NEBL: variants seen among roughly 807,000 people sequenced by gnomAD.
NEBL encodes the protein LIM and SH3 protein 2.
In NEBL, 122 loss-of-function variants were observed where a neutral mutation model predicts 140.2. The observed-to-expected ratio is 0.87, with a 90% CI of 0.75 to 1.01. The LOEUF (loss-of-function observed/expected upper bound fraction) is 1.01. NEBL is among the 50% of genes least tolerant of loss of function. NEBL has a pLI of 0.00. For synonymous variants in NEBL, 436 were observed against 398.9 expected (o/e 1.09, Z -1.11); for missense variants, 1,365 against 1,231.3 (o/e 1.11, Z -1.62).
intron 5 of NEBL, among the ~76,000 whole-genome samples, chr10:20,870,486 C>T (rs1844815529): frequency 6.6e-6 from 1 of 152,040 alleles, no homozygotes; most frequent in African/African-American, 2.4e-5. Context: ...GCAGAATATC[C>T]TCATCAAGAA....
intron 3 of NEBL, among the ~76,000 whole-genome samples, chr10:21,235,323 T>C (rs1473591255): frequency 6.6e-6 from 1 of 151,838 alleles, no homozygotes; most frequent in African/African-American, 2.4e-5. Context: ...TGTTAAAAAA[T>C]CCAAAAACAT....
At chr10:21,024,709 A>G (rs1331913209) in intron 2 of NEBL, among the ~76,000 whole-genome samples, 6 of 152,174 alleles carry the variant, frequency 3.9e-5, no homozygotes, top group Non-Finnish European at 8.8e-5. Flanking sequence ...CAAACACTGG[A>G]TTTCTCAACA....
At chr10:21,237,203 T>C (rs898866941) in intron 3 of NEBL, among the ~76,000 whole-genome samples, 2 of 152,230 alleles carry the variant, frequency 1.3e-5, no homozygotes, top group African/African-American at 2.4e-5. Context: ...GCTTTTGTTT[T>C]GGTTTGTTTT....
At chr10:21,075,102 A>T (rs117698119) in intron 2 of NEBL, among the ~76,000 whole-genome samples, 2,116 of 152,216 alleles carry the variant, frequency 0.014, 13 homozygotes, top group Non-Finnish European at 0.019. Flanking sequence ...CACGACACCC[A>T]GCCCAGAATT....
chr10:20,926,746 A>G (rs1263216770), intron 4 of NEBL, among the ~76,000 whole-genome samples: 1 of 152,226 alleles, frequency 6.6e-6, no homozygotes, highest in East Asian at 1.9e-4. Flanking sequence ...CCGATGGCAC[A>G]TCCAGCTGAA....
intron 5 of NEBL, among the ~76,000 whole-genome samples, chr10:20,879,330 T>C (rs1468277502): frequency 6.6e-6 from 1 of 152,190 alleles, no homozygotes; most frequent in Non-Finnish European, 1.5e-5. Flanking sequence ...GGTGCATGGC[T>C]GTGCTCAGTA....
At chr10:21,061,182 A>G (rs935532247) in intron 2 of NEBL, among the ~76,000 whole-genome samples, 2 of 150,902 alleles carry the variant, frequency 1.3e-5, no homozygotes, top group Admixed American at 1.3e-4. Context: ...TATATATATC[A>G]TATGATGTAT....
intron 2 of NEBL, chr10:21,029,648 A>C: frequency 1.5e-6 from 2 of 1,332,010 alleles, no homozygotes; most frequent in Non-Finnish European, 2.2e-6. Context: ...AGAAGGGGTG[A>C]TGATAGGTTT....
At chr10:21,231,967 CA>C (rs1025998634) in intron 3 of NEBL, among the ~76,000 whole-genome samples, 58 of 152,232 alleles carry the variant, frequency 3.8e-4, no homozygotes, top group African/African-American at 1.4e-3. Flanking sequence ...CACAACTGAT[CA>C]GCATTAGTGT....
intron 26 of NEBL, among the ~76,000 whole-genome samples, chr10:20,794,678 G>A (rs955194972): frequency 6.6e-6 from 1 of 152,092 alleles, no homozygotes. Context: ...GGGGAAAGAG[G>A]TAACATAAGA....
chr10:20,835,550 A>G lies in NEBL; in HGVS notation c.1412T>C (p.Met471Thr). The change falls in exon 14 of 28, where the codon ATG (methionine) becomes ACG (threonine). Residue 471 changes from methionine (M) to threonine (T), a missense_variant. Transcript: ENST00000377122. ...CTCTGCAGCCTTCTTGGCATGCTGC[A>G]TTTCAAGGGTGTCAGTGCCAGCTTG... ...GMQAGTDTLE[M>T]QHAKKAAEIA... is the part of the protein sequence containing the mutation. 3 of 1,612,786 alleles carry G rather than the reference A, an allele frequency of 1.9e-6. No individual in the cohort carries two copies. The highest frequency in any genetic ancestry group is 2.5e-6 in the Non-Finnish European group (3 of 1,179,900).
intron 3 of NEBL, among the ~76,000 whole-genome samples, chr10:20,976,790 G>A (rs981202749): frequency 5.9e-5 from 9 of 151,914 alleles, no homozygotes; most frequent in Non-Finnish European, 1.2e-4. Flanking sequence ...GAGGGAGGGA[G>A]GCAGGGGTTG....
At chr10:20,894,790 T>A (rs2131397185) in intron 2 of NEBL, among the ~76,000 whole-genome samples, 2 of 149,288 alleles carry the variant, frequency 1.3e-5, no homozygotes, top group Middle Eastern at 3.5e-3. Context: ...TTAGCCGGGC[T>A]TAGTGGCAGG....
intron 4 of NEBL, among the ~76,000 whole-genome samples, chr10:20,903,311 T>A (rs1485342490): frequency 6.6e-6 from 1 of 152,016 alleles, no homozygotes; most frequent in Non-Finnish European, 1.5e-5. Context: ...AAAACCACAA[T>A]AAGATACGGC....
chr10:21,083,988 C>G (rs551591315), intron 2 of NEBL, among the ~76,000 whole-genome samples: 1 of 152,318 alleles, frequency 6.6e-6, no homozygotes, highest in South Asian at 2.1e-4. Context: ...CCCAGAGAGT[C>G]CTGACTAATA....
intron 4 of NEBL, among the ~76,000 whole-genome samples, chr10:20,934,902 G>A (rs924246676): frequency 1.3e-5 from 2 of 152,210 alleles, no homozygotes; most frequent in Non-Finnish European, 2.9e-5. Flanking sequence ...AAAATGGGAA[G>A]AGAGATCTAG....
intron 1 of NEBL, among the ~76,000 whole-genome samples, chr10:21,252,759 C>T (rs1216490322): frequency 6.6e-6 from 1 of 152,116 alleles, no homozygotes; most frequent in African/African-American, 2.4e-5. Context: ...AGTTCAAGAC[C>T]AGCCTGACCG....
chr10:21,095,031 A>G (rs1268934598), intron 2 of NEBL, among the ~76,000 whole-genome samples: 1 of 152,202 alleles, frequency 6.6e-6, no homozygotes, highest in Non-Finnish European at 1.5e-5. Context: ...ACCACTAAGC[A>G]TTATGATCTG....
At chr10:21,257,132 T>G (rs1842667762) in intron 1 of NEBL, among the ~76,000 whole-genome samples, 1 of 152,216 alleles carries the variant, frequency 6.6e-6, no homozygotes. Context: ...TATTATCTAT[T>G]GAGTGTTTTA....
Sources: allele counts gnomAD v4.1 joint callset (sites outside exome capture counted in the v4.1 genomes callset), GRCh38; gene constraint gnomAD v4.1.1; transcripts MANE v1.5; gene names NCBI Gene and HGNC (gene_info 2026-07-23, HGNC 2026-07-21).